CDKL3: variants seen among roughly 807,000 people sequenced by gnomAD.
CDKL3 encodes the protein cyclin dependent kinase like 3, also known as cyclin-dependent kinase-like 3.
Under a neutral mutation model 69.3 loss-of-function variants are expected in CDKL3, and 65 were observed. The ratio of observed to expected loss-of-function variants is 0.94; its 90% CI spans 0.77 to 1.15. The LOEUF is 1.15. CDKL3 is among the 50% of genes most tolerant of loss of function. The pLI is 0.00. For synonymous variants in CDKL3, 202 were observed against 221.6 expected, an observed-to-expected ratio of 0.91 and a Z score of 0.79; for missense variants, 652 against 689.2, an observed-to-expected ratio of 0.95 and a Z score of 0.61.
chr5:134,352,193 C>G (rs1362387366), intron 3 of CDKL3, among the ~76,000 whole-genome samples: 1 of 152,138 alleles, frequency 6.6e-6, no homozygotes, highest in African/African-American at 2.4e-5. Flanking sequence ...CAGGTTTATC[C>G]ACATCATCAC....
rs1314926638 is a variant in CDKL3, at chr5:134,298,517, CA to C, written c.*133del. ...AAGAAAACAGTAAATGTTTTGCTAA[CA>C]AAAAAAGCTGGATGATGCTCATGCA... On this transcript the variant is annotated 3_prime_UTR_variant, in exon 13 of 13. Coordinates refer to ENST00000265334, the MANE Select transcript of CDKL3 (RefSeq NM_001113575.2). 7.0e-6 allele frequency: 10 copies of C among 1,436,606 alleles called. No individual in the cohort carries two copies. Among genetic ancestry groups the C allele is most frequent in the South Asian group, 1.7e-5 (1 of 58,662 alleles). The allele number at this position is 1,436,606 out of a possible 1,614,324, so 89.0% of individuals were successfully genotyped here.
chr5:134,330,898 T>C lies in CDKL3; in HGVS notation c.540-8995A>G, dbSNP rs186500670. On this transcript the variant is annotated intron_variant, in intron 4 of 12. Coordinates refer to ENST00000265334, the MANE Select transcript of CDKL3 (RefSeq NM_001113575.2). ...TTGCTTTGACCAGCCCACTTCCACCTCTTGGTAGCCAGTGCTTCGTCTTCA... is the reference window on the plus strand; with the variant it reads ...TTGCTTTGACCAGCCCACTTCCACCCCTTGGTAGCCAGTGCTTCGTCTTCA... Among the ~76,000 whole-genome samples, 341 of 152,312 alleles carry C rather than the reference T, an allele frequency of 2.2e-3. 3 individuals carry two copies. The highest frequency in any genetic ancestry group is 7.6e-3 in the African/African-American group (317 of 41,550).
At chr5:134,344,542 A>C (rs1387330601) in intron 4 of CDKL3, among the ~76,000 whole-genome samples, 1 of 152,286 alleles carries the variant, frequency 6.6e-6, no homozygotes, top group African/African-American at 2.4e-5. Context: ...CGCACACACA[A>C]AAAGACATTC....
At chr5:134,313,041 A>G (rs539379027) in intron 6 of CDKL3, among the ~76,000 whole-genome samples, 1 of 152,366 alleles carries the variant, frequency 6.6e-6, no homozygotes, top group Admixed American at 6.5e-5. Context: ...AATAAAAAGC[A>G]TCTGCTTTAT....
chr5:134,310,180 T>C (rs1769036155), intron 7 of CDKL3, among the ~76,000 whole-genome samples: 1 of 151,642 alleles, frequency 6.6e-6, no homozygotes, highest in African/African-American at 2.4e-5. Context: ...TTTTATTATA[T>C]TTATTTATTT....
At chr5:134,363,109 T>C (rs1200917249) in intron 2 of CDKL3, among the ~76,000 whole-genome samples, 3 of 152,170 alleles carry the variant, frequency 2.0e-5, no homozygotes, top group African/African-American at 7.2e-5. Flanking sequence ...AGTGCAACAG[T>C]TGAAGAAAGA....
chr5:134,308,402 C>T lies in CDKL3; in HGVS notation c.1100G>A (p.Arg367Lys). The change falls in exon 9 of 13, where the codon AGA (arginine) becomes AAA (lysine). Residue 367 changes from arginine (R) to lysine (K), a missense_variant. By Grantham distance (26) the Arg-to-Lys change is conservative (BLOSUM62 2). Transcript: ENST00000265334. ...CTTTTTTGGTTCTGAGATATCTCCT[C>T]TTCCTCCTTTGACTTTAATAACTCT... ...KVRVIKVKGG[R>K]GDISEPKKKE... 6.2e-7 allele frequency: 1 copy of T among 1,613,566 alleles called. No individual in the cohort carries two copies.
At chr5:134,335,781 A>G (rs936439157) in intron 4 of CDKL3, among the ~76,000 whole-genome samples, 2 of 152,222 alleles carry the variant, frequency 1.3e-5, no homozygotes, top group African/African-American at 4.8e-5. Flanking sequence ...AACCTTGGTG[A>G]ATCTGACAAT....
rs766142816 is a variant in CDKL3, at chr5:134,298,610, T to A, written c.*41A>T. On this transcript the variant is annotated 3_prime_UTR_variant, in exon 13 of 13. Coordinates refer to ENST00000265334, the MANE Select transcript of CDKL3 (RefSeq NM_001113575.2). ...TTGTAGATAAATAAAACGGGAAGAG[T>A]TGTCATCTTGTATTTTTTGGACTAT... 8 of 1,598,686 alleles carry A rather than the reference T, an allele frequency of 5.0e-6. No homozygotes were observed. The East Asian group carries it at 1.8e-4, about 36-fold the overall frequency.
chr5:134,330,778 A>G (rs935951536), intron 4 of CDKL3, among the ~76,000 whole-genome samples: 3 of 152,192 alleles, frequency 2.0e-5, no homozygotes, highest in Admixed American at 6.5e-5. Context: ...AGAAGCAGAT[A>G]TTATCATTCT....
At chr5:134,344,255 T>C (rs967576610) in intron 4 of CDKL3, among the ~76,000 whole-genome samples, 1 of 152,180 alleles carries the variant, frequency 6.6e-6, no homozygotes, top group Non-Finnish European at 1.5e-5. Context: ...TTTTGAAATA[T>C]GATACCAAAA....
intron 4 of CDKL3, among the ~76,000 whole-genome samples, chr5:134,336,015 C>T (rs535422439): frequency 6.6e-6 from 1 of 152,206 alleles, no homozygotes; most frequent in Non-Finnish European, 1.5e-5. Flanking sequence ...AGGCTTTGTT[C>T]GTTTCTTTTC....
At chr5:134,306,524 G>C (rs1580831036) in intron 10 of CDKL3, 85 bp downstream of exon 10, 1 of 812,530 alleles carries the variant, frequency 1.2e-6, no homozygotes, top group East Asian at 2.6e-5. Flanking sequence ...AAACAAAAAA[G>C]TATTAGAGCC....
chr5:134,362,407 T>C (rs967033484), intron 2 of CDKL3, among the ~76,000 whole-genome samples: 5 of 152,060 alleles, frequency 3.3e-5, no homozygotes, highest in African/African-American at 4.8e-5. Flanking sequence ...TAATCCCAGC[T>C]ACTCAGGAGG....
chr5:134,371,622 C>T (rs759906807), upstream of CDKL3: 8 of 1,613,208 alleles, frequency 5.0e-6, no homozygotes, highest in South Asian at 5.5e-5. Context: ...GGAGGAGGCT[C>T]ATGCGGGATT....
chr5:134,298,871 CT>C (rs1008309414), intron 12 of CDKL3, among the ~76,000 whole-genome samples, 161 bp from the exon 13 acceptor site: 2 of 151,064 alleles, frequency 1.3e-5, no homozygotes, highest in African/African-American at 2.4e-5. Flanking sequence ...CAACTTCCAT[CT>C]TTTTTTTTGC....
chr5:134,318,080 G>A lies in CDKL3; in HGVS notation c.792+1278C>T, dbSNP rs1466497955. Among the ~76,000 whole-genome samples, 3 of 151,898 alleles carry A rather than the reference G, an allele frequency of 2.0e-5. 1 individual carries two copies. Among genetic ancestry groups the A allele is most frequent in the Non-Finnish European group, 4.4e-5 (3 of 67,968 alleles). Reference sequence around the variant, plus strand: ...ACTAAAAATTCAAAATTAGCCAGGTGTGGTGGCGCATGCATGTAATCCCAG... The same window carrying A: ...ACTAAAAATTCAAAATTAGCCAGGTATGGTGGCGCATGCATGTAATCCCAG... On this transcript the variant is annotated intron_variant, in intron 6 of 12. Transcript: ENST00000265334.
At chr5:134,304,599 A>G in intron 10 of CDKL3, 32 bp from the exon 11 acceptor site, 1 of 1,557,872 alleles carries the variant, frequency 6.4e-7, no homozygotes, top group Non-Finnish European at 8.7e-7. Context: ...AGTTGAAGAA[A>G]TGTGTCTAAC....
chr5:134,309,905 C>T (rs1480550337), intron 7 of CDKL3, among the ~76,000 whole-genome samples: 1 of 152,146 alleles, frequency 6.6e-6, no homozygotes, highest in African/African-American at 2.4e-5. Context: ...ACTCATGGCT[C>T]ACTGCAACCC....
Sources: allele counts gnomAD v4.1 joint callset (sites outside exome capture counted in the v4.1 genomes callset), GRCh38; gene constraint gnomAD v4.1.1; transcripts MANE v1.5; gene names NCBI Gene and HGNC (gene_info 2026-07-23, HGNC 2026-07-21).